The following SVOPL variants were observed in gnomAD, a reference collection of about 807,000 sequenced individuals.
The protein encoded by SVOPL is SVOP like.
A neutral mutation model predicts 61.0 loss-of-function variants in SVOPL; 60 were observed. The ratio of observed to expected loss-of-function variants is 0.98; its 90% CI spans 0.80 to 1.22. The LOEUF is 1.22. Among genes scored for constraint, SVOPL ranks in the 50% most tolerant of loss-of-function variants. The pLI, the probability that SVOPL is intolerant of heterozygous loss-of-function variation, is 0.00. For synonymous variants in SVOPL, 279 were observed against 250.0 expected, an observed-to-expected ratio of 1.12 and a Z score of -1.09; for missense variants, 662 against 643.9, an observed-to-expected ratio of 1.03 and a Z score of -0.30.
intron 1 of SVOPL, among the ~76,000 whole-genome samples, chr7:138,694,403 C>T (rs1431039877): frequency 6.6e-6 from 1 of 152,074 alleles, no homozygotes; most frequent in Non-Finnish European, 1.5e-5. Context: ...TGCCACCACG[C>T]CCACCTAACT....
At chr7:138,659,312 C>T (rs1801895501) in intron 6 of SVOPL, among the ~76,000 whole-genome samples, 1 of 151,854 alleles carries the variant, frequency 6.6e-6, no homozygotes. Flanking sequence ...GCCAACATGG[C>T]GAAACCCCGT....
At chr7:138,597,204 C>T in intron 14 of SVOPL, 1 of 1,289,444 alleles carries the variant, frequency 7.8e-7, no homozygotes, top group South Asian at 1.2e-5. Flanking sequence ...CCATTAATCT[C>T]ACAACGACAG....
intron 6 of SVOPL, among the ~76,000 whole-genome samples, chr7:138,658,280 C>G (rs1584847250): frequency 6.6e-6 from 1 of 152,262 alleles, no homozygotes; most frequent in Admixed American, 6.5e-5. Flanking sequence ...TCCCATCTGA[C>G]ATATTCCCCC....
chr7:138,655,600 C>T (rs114370722), intron 7 of SVOPL, among the ~76,000 whole-genome samples: 3,595 of 151,184 alleles, frequency 0.024, 139 homozygotes, highest in African/African-American at 0.082. Context: ...TACACACACA[C>T]TCTACAGTAA....
At chr7:138,641,446 G>A (rs372414223) in intron 9 of SVOPL, among the ~76,000 whole-genome samples, 3 of 151,934 alleles carry the variant, frequency 2.0e-5, no homozygotes, top group East Asian at 1.9e-4. Context: ...CGAGGAGGGC[G>A]GATCACCTGA....
At chr7:138,669,421 CAAT>C (rs762509377) in intron 4 of SVOPL, among the ~76,000 whole-genome samples, 4 of 151,994 alleles carry the variant, frequency 2.6e-5, no homozygotes, top group Non-Finnish European at 4.4e-5. Flanking sequence ...AAAACAACAA[CAAT>C]GACAACAAAA....
chr7:138,689,231 CAA>C (rs1368818849), intron 1 of SVOPL: 2 of 1,500,278 alleles, frequency 1.3e-6, no homozygotes, highest in Non-Finnish European at 1.8e-6. Flanking sequence ...GTTGGTGGCC[CAA>C]AAAGAGTGCT....
intron 14 of SVOPL, among the ~76,000 whole-genome samples, chr7:138,602,695 C>A (rs577125317): frequency 2.0e-4 from 27 of 131,756 alleles, no homozygotes; most frequent in Admixed American, 1.5e-3. Context: ...CACAAAAGCC[C>A]CTGCCCTTGC....
At chr7:138,640,439 C>T (rs138082031) in intron 9 of SVOPL, among the ~76,000 whole-genome samples, 1 of 152,016 alleles carries the variant, frequency 6.6e-6, no homozygotes, top group Admixed American at 6.6e-5. Context: ...CTGTGTTGGT[C>T]AGGCTGGTCT....
intron 14 of SVOPL, among the ~76,000 whole-genome samples, chr7:138,601,775 C>T (rs1183391546): frequency 6.6e-6 from 1 of 152,140 alleles, no homozygotes; most frequent in African/African-American, 2.4e-5. Context: ...ACTTTTTCTA[C>T]AGAATTCTGC....
intron 1 of SVOPL, among the ~76,000 whole-genome samples, chr7:138,681,552 G>T (rs1347882970): frequency 1.3e-5 from 2 of 152,032 alleles, no homozygotes; most frequent in African/African-American, 4.8e-5. Context: ...GGCTGGGCGT[G>T]GTAGCTCACA....
chr7:138,663,022 C>T, intron 5 of SVOPL, 52 bp downstream of exon 5: 1 of 1,612,662 alleles, frequency 6.2e-7, no homozygotes, highest in Non-Finnish European at 8.5e-7. Context: ...AGGTTGCCCC[C>T]AAAAGAATAC....
chr7:138,632,465 A>T (rs1311591153), intron 9 of SVOPL, among the ~76,000 whole-genome samples: 3 of 152,118 alleles, frequency 2.0e-5, no homozygotes, highest in Non-Finnish European at 4.4e-5. Context: ...ACTGTGAAGA[A>T]GATCACTTAA....
chr7:138,683,934 C>T (rs1802751167), intron 1 of SVOPL, among the ~76,000 whole-genome samples: 2 of 151,344 alleles, frequency 1.3e-5, no homozygotes, highest in Non-Finnish European at 2.9e-5. Context: ...TGCCTGTAAT[C>T]CCAGCTACTC....
In SVOPL at chr7:138,649,105, A is replaced by G; in HGVS notation, c.567T>C (p.Ile189=). The change falls in exon 8 of 16, where the codon ATT becomes ATC. Residue 189 remains isoleucine (I), a synonymous_variant. Transcript: ENST00000674285. ...TGGGGATGATCACAGAGGCCAAGCC[A>G]ATGATGAGCAGGGAGCCCGCAAGCC... The part of the protein sequence containing the change: ...VFWLAGSLLI[I]GLASVIIPTI... The G allele has an allele frequency of 6.2e-7, 1 of 1,613,904 alleles. No individual in the cohort carries two copies. The highest frequency in any genetic ancestry group is 2.2e-5 in the East Asian group (1 of 44,852).
At chr7:138,648,926 G>C in intron 8 of SVOPL, 86 bp downstream of exon 8, 2 of 1,583,484 alleles carry the variant, frequency 1.3e-6, no homozygotes, top group South Asian at 1.1e-5. Context: ...TGTCTCGAGG[G>C]GGAAAATAAA....
chr7:138,636,114 G>A (rs1800457003), intron 9 of SVOPL, among the ~76,000 whole-genome samples: 1 of 151,926 alleles, frequency 6.6e-6, no homozygotes, highest in Admixed American at 6.6e-5. Flanking sequence ...ATTTTTAGTA[G>A]AGATGAGGTT....
rs530323854 is a variant in SVOPL, at chr7:138,681,459, G to C, written c.-34-2380C>G. Among the ~76,000 whole-genome samples, 305 of 152,070 alleles carry C rather than the reference G, an allele frequency of 2.0e-3. 1 individual carries two copies. Among genetic ancestry groups the C allele is most frequent in the African/African-American group, 7.0e-3 (292 of 41,518 alleles). On this transcript the variant is annotated intron_variant, in intron 1 of 15. Coordinates refer to ENST00000674285, the MANE Select transcript of SVOPL (RefSeq NM_001139456.2). ...GACAGGAAATGTACAAACTGAGCCT[G>C]GGGCATCTTGTCGTAGCCTATAGCA...
chr7:138,627,384 A>G lies in SVOPL; in HGVS notation c.1147T>C (p.Leu383=), dbSNP rs1400917679. The change falls in exon 12 of 16, where the codon TTA becomes CTA. Residue 383 remains leucine (L), a synonymous_variant. Transcript: ENST00000674285. ...SLSITMGCTA[L]FFLLLNICTS... ...CAAATGTTGAGGAGAAGGAAGAATA[A>G]AGCCGTGCATCCCATGGTAATAGAA... The G allele has an allele frequency of 5.0e-6, 8 of 1,613,696 alleles. No individual in the cohort carries two copies. Among genetic ancestry groups the G allele is most frequent in the African/African-American group, 1.3e-5 (1 of 75,052 alleles).
Sources: gnomAD v4.1 joint callset for allele counts (sites outside exome capture counted in the v4.1 genomes callset) on GRCh38, gnomAD v4.1.1 for gene constraint, MANE v1.5 for transcripts, NCBI Gene and HGNC (gene_info 2026-07-23, HGNC 2026-07-21) for gene names.